Variants in ZNF443 observed in about 807,000 individuals in gnomAD.
ZNF443 encodes the protein zinc finger protein 443, also known as Kruppel-type zinc finger (C2H2).
Under a neutral mutation model 12.0 loss-of-function variants are expected in ZNF443, and 3 were observed. That is an observed-to-expected ratio of 0.25 (90% CI 0.11 to 0.64). The LOEUF (loss-of-function observed/expected upper bound fraction) is 0.64, where lower values mean the gene tolerates loss of function less well. Ranked by LOEUF, ZNF443 falls within the 30% of genes least tolerant of loss-of-function variation. ZNF443 has a pLI of 0.84. For synonymous variants in ZNF443, 225 were observed against 265.9 expected (o/e 0.85, Z 1.50); for missense variants, 770 against 808.8 (o/e 0.95, Z 0.58).
At chr19:12,437,140 A>C (rs1203089255) in intron 1 of ZNF443, among the ~76,000 whole-genome samples, 1 of 152,162 alleles carries the variant, frequency 6.6e-6, no homozygotes, top group Non-Finnish European at 1.5e-5. Context: ...CTGTAATGCC[A>C]ACACTTTGAG....
In ZNF443 at chr19:12,431,324, C is replaced by T. The variant is rs138781179; in HGVS notation, c.848G>A (p.Cys283Tyr). ...AGGGAAGGCTTTAGAACACTGCTTACATTTATATGGTTTCTCCCCAGTATG... is the reference window on the plus strand; with the variant it reads ...AGGGAAGGCTTTAGAACACTGCTTATATTTATATGGTTTCTCCCCAGTATG... Reference protein sequence around the residue: ...RTHTGEKPYKCKQCSKAFPDS... With the variant: ...RTHTGEKPYKYKQCSKAFPDS... Residue 283 changes from cysteine (C) to tyrosine (Y), a missense_variant, in exon 4 of 4, where the codon TGT becomes TAT. Transcript: ENST00000301547. The T allele has an allele frequency of 4.3e-6, 7 of 1,614,130 alleles. No homozygotes were observed. Among genetic ancestry groups the T allele is most frequent in the Non-Finnish European group, 5.9e-6 (7 of 1,179,978 alleles).
rs1427362570 is a variant in ZNF443 at position 12,431,242 on chromosome 19, T to C, written c.930A>G (p.Thr310=). The C allele has an allele frequency of 3.7e-6, 6 of 1,613,844 alleles. No homozygotes were observed. Among genetic ancestry groups the C allele is most frequent in the African/African-American group, 1.3e-5 (1 of 74,878 alleles). Residue 310 remains threonine (T), a synonymous_variant, in exon 4 of 4, where the codon ACA becomes ACG. Coordinates refer to ENST00000301547, the MANE Select transcript of ZNF443 (RefSeq NM_005815.5). ...ERTHTGEKPY[T]CKQCGKAFSV... is the part of the protein sequence containing the mutation. ...TGAAGGCTTTCCCACATTGTTTACA[T>C]GTATAGGGTTTCTCTCCAGTGTGAG...
At chr19:12,439,498 T>G (rs1305419806) in intron 1 of ZNF443, among the ~76,000 whole-genome samples, 1 of 152,028 alleles carries the variant, frequency 6.6e-6, no homozygotes, top group African/African-American at 2.4e-5. Context: ...GGACATCCAT[T>G]TTTTTTGAGA....
At chr19:12,433,752 C>T (rs1970281271) in intron 1 of ZNF443, among the ~76,000 whole-genome samples, 2 of 150,980 alleles carry the variant, frequency 1.3e-5, no homozygotes, top group Non-Finnish European at 2.9e-5. Flanking sequence ...ACATACTCAG[C>T]AGACAGAGTG....
rs1970236733 is a variant in ZNF443 at position 12,430,462 on chromosome 19, A to G, written c.1710T>C (p.Ser570=). Residue 570 remains serine, a synonymous_variant, in exon 4 of 4, where the codon TCT becomes TCC. Coordinates refer to ENST00000301547, the MANE Select transcript of ZNF443 (RefSeq NM_005815.5). ...YECKECGKAF[S]WLTCFLRHER... is the part of the protein sequence containing the mutation. ...CATGTCGTAGAAAGCAAGTGAGCCAAGAGAATGCTTTCCCACATTCCTTAC... is the reference window on the plus strand; with the variant it reads ...CATGTCGTAGAAAGCAAGTGAGCCAGGAGAATGCTTTCCCACATTCCTTAC... 2.5e-6 allele frequency: 4 copies of G among 1,606,616 alleles called. No individual in the cohort carries two copies. Among genetic ancestry groups the G allele is most frequent in the Non-Finnish European group, 3.4e-6 (4 of 1,175,730 alleles).
chr19:12,431,299 A>G lies in ZNF443; in HGVS notation c.873T>C (p.Pro291=), dbSNP rs1230706865. Residue 291 remains proline (P), a synonymous_variant, in exon 4 of 4, where the codon CCT becomes CCC. Coordinates refer to ENST00000301547, the MANE Select transcript of ZNF443 (RefSeq NM_005815.5). ...CATGTATTAGACAAGAACTGGAATC[A>G]GGGAAGGCTTTAGAACACTGCTTAC... ...YKCKQCSKAF[P]DSSSCLIHER... 2 of 1,614,046 alleles carry G rather than the reference A, an allele frequency of 1.2e-6. No individual in the cohort carries two copies. The highest frequency in any genetic ancestry group is 1.1e-5 in the South Asian group (1 of 91,082).
chr19:12,431,352 T>A lies in ZNF443; in HGVS notation c.820A>T (p.Thr274Ser). 2 of 1,614,100 alleles carry A rather than the reference T, an allele frequency of 1.2e-6. No homozygotes were observed. Among genetic ancestry groups the A allele is most frequent in the African/African-American group, 1.3e-5 (1 of 75,062 alleles). ...TTATATGGTTTCTCCCCAGTATGTG[T>A]TCTTTCATGTCTTAGATAGGAACTG... ...FYSSYLRHER[T>S]HTGEKPYKCK... is the part of the protein sequence containing the mutation. Residue 274 changes from threonine to serine, a missense_variant, in exon 4 of 4, where the codon ACA becomes TCA. By Grantham distance (58) the Thr-to-Ser change is moderately conservative. This residue lies in a region of ZNF443 where 736 missense variants were observed against 689.4 expected (regional missense o/e 1.07). Coordinates refer to ENST00000301547, the MANE Select transcript of ZNF443 (RefSeq NM_005815.5).
intron 1 of ZNF443, among the ~76,000 whole-genome samples, chr19:12,434,010 T>G (rs185027639): frequency 6.6e-6 from 1 of 152,192 alleles, no homozygotes; most frequent in Non-Finnish European, 1.5e-5. Context: ...TCCCTCACCA[T>G]GTGATACTCT....
chr19:12,438,243 A>G (rs2144959046), intron 1 of ZNF443, among the ~76,000 whole-genome samples: 1 of 152,360 alleles, frequency 6.6e-6, no homozygotes. Context: ...AATCCAGGAA[A>G]ATCACTCAAA....
At position 12,429,928 on chromosome 19, in the gene ZNF443, T is replaced by A. The variant is rs1599619344; in HGVS notation, c.*228A>T. 4 of 703,158 alleles carry A rather than the reference T, an allele frequency of 5.7e-6. No individual in the cohort carries two copies. In the East Asian group the frequency reaches 1.1e-4, roughly 19 times the overall value. 43.6% of individuals were successfully genotyped at this position (703,158 alleles called of 1,614,324 possible). On this transcript the variant is annotated 3_prime_UTR_variant, in exon 4 of 4. Transcript: ENST00000301547. Reference sequence around the variant, plus strand: ...TACAAGAGGATGTGGGTAAGTTACATACAAACATGTCATTTTATAAAAGGG... The same window carrying A: ...TACAAGAGGATGTGGGTAAGTTACAAACAAACATGTCATTTTATAAAAGGG...
chr19:12,431,625 T>C lies in ZNF443; in HGVS notation c.547A>G (p.Asn183Asp), dbSNP rs1970255855. 6.2e-7 allele frequency: 1 copy of C among 1,614,042 alleles called. No homozygotes were observed. The highest frequency in any genetic ancestry group is 1.1e-5 in the South Asian group (1 of 91,080). Residue 183 changes from asparagine to aspartate, a missense_variant, in exon 4 of 4, where the codon AAC becomes GAC. Transcript: ENST00000301547. ...ECGKSFSSLG[N>D]LQRHMAVQRG... Reference sequence around the variant, plus strand: ...TGCACTGCCATGTGTCTTTGAAGGTTTCCCAAAGAACTGAAGGACTTCCCA... The same window carrying C: ...TGCACTGCCATGTGTCTTTGAAGGTCTCCCAAAGAACTGAAGGACTTCCCA...
At chr19:12,436,529 A>G (rs866075139) in intron 1 of ZNF443, among the ~76,000 whole-genome samples, 17 of 152,234 alleles carry the variant, frequency 1.1e-4, no homozygotes, top group South Asian at 1.0e-3. Flanking sequence ...TGCAGCTGCA[A>G]GGTACAACTA....
intron 2 of ZNF443, among the ~76,000 whole-genome samples, chr19:12,432,741 T>G (rs915662112): frequency 2.7e-5 from 4 of 146,516 alleles, no homozygotes; most frequent in African/African-American, 7.8e-5. Context: ...GTAAATATAG[T>G]TTCTCTTCCT....
In ZNF443 at chr19:12,430,495, C is replaced by T. The variant is rs751626280; in HGVS notation, c.1677G>A (p.Pro559=). The T allele has an allele frequency of 9.9e-6, 16 of 1,613,862 alleles. No individual in the cohort carries two copies. Among genetic ancestry groups the T allele is most frequent in the Admixed American group, 5.0e-5 (3 of 59,980 alleles). Residue 559 remains proline, a synonymous_variant, in exon 4 of 4, where the codon CCG becomes CCA. Coordinates refer to ENST00000301547, the MANE Select transcript of ZNF443 (RefSeq NM_005815.5). ...CTTTCCCACATTCCTTACATTCATACGGCTTCTCTCCAGAGTGAATTCTTT... is the reference window on the plus strand; with the variant it reads ...CTTTCCCACATTCCTTACATTCATATGGCTTCTCTCCAGAGTGAATTCTTT... The part of the protein sequence containing the change: ...VHERIHSGEK[P]YECKECGKAF...
rs1171733677 is a variant in ZNF443, at chr19:12,440,977, CCAGA to C, written c.-67_-64del. On this transcript the variant is annotated 5_prime_UTR_variant, in exon 1 of 4. Transcript: ENST00000301547. ...CTCCCGCTGCCAATGCGTGTTCCAG[CCAGA>C]CAAAGGCTGCCTCAGAACTTCCAGG... is the stretch of plus-strand genomic sequence containing the variant. 84 of 1,613,078 alleles carry C rather than the reference CCAGA, an allele frequency of 5.2e-5. No homozygotes were observed. Among genetic ancestry groups the C allele is most frequent in the Admixed American group, 8.3e-5 (5 of 59,958 alleles).
At chr19:12,435,877 A>C (rs1970302940) in intron 1 of ZNF443, among the ~76,000 whole-genome samples, 4 of 152,062 alleles carry the variant, frequency 2.6e-5, no homozygotes, top group Admixed American at 2.6e-4. Context: ...TACAGTCTTC[A>C]ACACACATAA....
chr19:12,438,270 A>G (rs1254877740), intron 1 of ZNF443, among the ~76,000 whole-genome samples: 2 of 152,212 alleles, frequency 1.3e-5, no homozygotes, highest in Admixed American at 6.5e-5. Flanking sequence ...GTCTATGTCT[A>G]CGGGTGGGAA....
At position 12,431,082 on chromosome 19, in the gene ZNF443, G is replaced by C; in HGVS notation, c.1090C>G (p.Pro364Ala). Residue 364 changes from proline (P) to alanine (A), a missense_variant, in exon 4 of 4, where the codon CCT becomes GCT. By Grantham distance (27) the Pro-to-Ala change is conservative. Around this residue, in one of 3 missense-constraint regions of ZNF443, gnomAD observed 736 missense variants for 689.4 expected, o/e 1.07. Transcript: ENST00000301547. ...RHMIRHTGNG[P>A]HKCKICGKGF... ...TTCCCACATATCTTACATTTATGAG[G>C]TCCATTTCCAGTGTGCCTTATCATG... 6.2e-7 allele frequency: 1 copy of C among 1,614,040 alleles called. No individual in the cohort carries two copies. Among genetic ancestry groups the C allele is most frequent in the South Asian group, 1.1e-5 (1 of 91,074 alleles).
intron 3 of ZNF443, 40 bp downstream of exon 3, chr19:12,432,337 G>C (rs182217738): frequency 6.8e-7 from 1 of 1,476,230 alleles, no homozygotes; most frequent in African/African-American, 1.4e-5. Context: ...TTCTCAGAAC[G>C]GCTCCAGGGA....
Sources: gnomAD v4.1 joint callset for allele counts (sites outside exome capture counted in the v4.1 genomes callset) on GRCh38, gnomAD v4.1.1 for gene constraint, gnomAD v4.1.1 regional missense constraint, MANE v1.5 for transcripts, NCBI Gene and HGNC (gene_info 2026-07-23, HGNC 2026-07-21) for gene names.